Variants in PDE4D observed in about 807,000 individuals in gnomAD.
PDE4D encodes 3',5'-cyclic-AMP phosphodiesterase 4D.
In PDE4D, 24 loss-of-function variants were observed where a neutral mutation model predicts 87.4. The observed-to-expected ratio is 0.27, with a 90% confidence interval of 0.20 to 0.39. The LOEUF (loss-of-function observed/expected upper bound fraction) is 0.39. PDE4D is among the 10% of genes least tolerant of loss of function. PDE4D has a pLI of 1.00. For synonymous variants in PDE4D, 384 were observed against 383.2 expected (o/e 1.00, Z -0.02); for missense variants, 714 against 1,041.0 (o/e 0.69, Z 4.32).
At chr5:60,149,657 T>G (rs975304208) in intron 2 of PDE4D, among the ~76,000 whole-genome samples, 10 of 151,966 alleles carry the variant, frequency 6.6e-5, no homozygotes, top group Non-Finnish European at 5.9e-5. Context: ...AGAATTTCAG[T>G]AGATCCTATG....
chr5:60,001,397 G>A (rs1276666217), intron 2 of PDE4D, among the ~76,000 whole-genome samples: 1 of 152,156 alleles, frequency 6.6e-6, no homozygotes, highest in African/African-American at 2.4e-5. Flanking sequence ...ACTGTACCCT[G>A]CAAAGTTAGC....
At chr5:59,350,574 C>T (rs1347495549) in intron 1 of PDE4D, among the ~76,000 whole-genome samples, 5 of 152,170 alleles carry the variant, frequency 3.3e-5, no homozygotes, top group African/African-American at 4.8e-5. Context: ...TAGGTTCATT[C>T]ATTCAATACA....
chr5:59,676,566 G>T (rs927914757), intron 1 of PDE4D, among the ~76,000 whole-genome samples: 4 of 152,110 alleles, frequency 2.6e-5, no homozygotes, highest in Non-Finnish European at 4.4e-5. Context: ...AGAGCATAAA[G>T]AACCATTTTA....
chr5:59,581,568 C>A (rs1322751095), intron 1 of PDE4D, among the ~76,000 whole-genome samples: 1 of 152,116 alleles, frequency 6.6e-6, no homozygotes, highest in Non-Finnish European at 1.5e-5. Context: ...GAAGATGTAA[C>A]CTCACAGCGA....
intron 2 of PDE4D, among the ~76,000 whole-genome samples, chr5:59,203,530 T>G (rs1002479158): frequency 7.2e-5 from 11 of 152,270 alleles, no homozygotes; most frequent in African/African-American, 2.2e-4. Context: ...AAGAGATACC[T>G]GCACTCCCAT....
chr5:60,045,172 A>T (rs1328941600), intron 2 of PDE4D, among the ~76,000 whole-genome samples: 118 of 151,940 alleles, frequency 7.8e-4, no homozygotes, highest in African/African-American at 2.8e-3. Flanking sequence ...TCTTTTGAGA[A>T]GTGTCTGTTC....
chr5:59,510,984 C>T (rs1810194254), intron 1 of PDE4D, among the ~76,000 whole-genome samples: 1 of 151,754 alleles, frequency 6.6e-6, no homozygotes. Context: ...ATTTGTGATG[C>T]AAGACAAAAT....
At chr5:59,023,146 G>A (rs1046834110) in intron 6 of PDE4D, among the ~76,000 whole-genome samples, 2 of 150,428 alleles carry the variant, frequency 1.3e-5, no homozygotes, top group African/African-American at 2.5e-5. Flanking sequence ...TTGCACTCCA[G>A]TCCAGGCAAC....
At chr5:59,472,729 A>C (rs181909698) in intron 1 of PDE4D, among the ~76,000 whole-genome samples, 5 of 152,260 alleles carry the variant, frequency 3.3e-5, no homozygotes, top group Admixed American at 3.3e-4. Context: ...ATGCCTACCC[A>C]AAATTATGCT....
At chr5:59,983,207 T>C (rs767875095) in intron 3 of PDE4D, among the ~76,000 whole-genome samples, 5 of 152,054 alleles carry the variant, frequency 3.3e-5, no homozygotes, top group African/African-American at 4.8e-5. Flanking sequence ...GCCCTCTTAG[T>C]GCTTGGATGT....
At chr5:59,668,839 GGAAGAGGAAGAAGAAGAAGAAGAA>G (rs1746598085) in intron 1 of PDE4D, among the ~76,000 whole-genome samples, 1 of 59,146 alleles carries the variant, frequency 1.7e-5, no homozygotes, top group Non-Finnish European at 3.2e-5. Flanking sequence ...AAGAGGAAGA[GGAAGAGGAAGAAGAAGAAGAAGAA>G]GAAGAAGAAG....
intron 1 of PDE4D, among the ~76,000 whole-genome samples, chr5:59,690,891 C>T (rs557797188): frequency 6.6e-6 from 1 of 152,250 alleles, no homozygotes; most frequent in Admixed American, 6.5e-5. Flanking sequence ...CAAACAACCA[C>T]ATCAAAAAGT....
intron 2 of PDE4D, among the ~76,000 whole-genome samples, chr5:60,132,876 A>C (rs372136699): frequency 6.6e-6 from 1 of 152,130 alleles, no homozygotes. Context: ...AAAATTACTC[A>C]AGTAAATTTT....
intron 1 of PDE4D, among the ~76,000 whole-genome samples, chr5:59,780,046 T>C (rs1764455255): frequency 6.6e-6 from 1 of 152,190 alleles, no homozygotes; most frequent in Admixed American, 6.5e-5. Flanking sequence ...ATACCTTCTA[T>C]TTCTTAGGCA....
At chr5:59,918,924 G>A (rs1238013170) in intron 3 of PDE4D, among the ~76,000 whole-genome samples, 2 of 152,160 alleles carry the variant, frequency 1.3e-5, no homozygotes, top group East Asian at 3.9e-4. Context: ...GATAGTAAGT[G>A]TGTGTTGTTT....
chr5:60,497,569 A>AT lies in PDE4D; in HGVS notation n.70+24481dup, dbSNP rs552231434. ...AGGCACATGCCACTAAGCCTGGCTA[A>AT]TTTTTTTTATTTTTTGTAGAGACAG... On this transcript the variant is annotated intron_variant and non_coding_transcript_variant, in intron 1 of 2. Coordinates refer to the PDE4D transcript ENST00000506510. Among the ~76,000 whole-genome samples the AT allele has an allele frequency of 4.5e-4, 68 of 151,536 alleles. 2 individuals are homozygous for AT. Among genetic ancestry groups the AT allele is most frequent in the Non-Finnish European group, 9.4e-4 (64 of 67,858 alleles).
chr5:59,208,370 A>C (rs27174), intron 2 of PDE4D, among the ~76,000 whole-genome samples: 5 of 152,210 alleles, frequency 3.3e-5, no homozygotes, highest in African/African-American at 1.2e-4. Flanking sequence ...AACTTTTTAT[A>C]ACTAACATTT....
intron 1 of PDE4D, among the ~76,000 whole-genome samples, chr5:59,677,836 G>A (rs181142516): frequency 1.8e-4 from 27 of 152,274 alleles, no homozygotes; most frequent in African/African-American, 6.5e-4. Flanking sequence ...CCATCCAAGA[G>A]AAGCATTGTA....
At chr5:59,063,413 T>G (rs1163724470) in intron 5 of PDE4D, 1 of 152,202 alleles carries the variant, frequency 6.6e-6, no homozygotes, top group Non-Finnish European at 1.5e-5. Flanking sequence ...ATCACTTGCA[T>G]TTGCAGCATA....
Sources: allele counts gnomAD v4.1 joint callset (sites outside exome capture counted in the v4.1 genomes callset), GRCh38; gene constraint gnomAD v4.1.1; transcripts MANE v1.5; gene names NCBI Gene and HGNC (gene_info 2026-07-23, HGNC 2026-07-21).